The following PRDM16 variants were observed in gnomAD, a reference collection of about 807,000 sequenced individuals.
PRDM16 encodes histone-lysine N-methyltransferase PRDM16.
Under a neutral mutation model 110.6 loss-of-function variants are expected in PRDM16, and 23 were observed. That is an observed-to-expected ratio of 0.21 (90% CI 0.15 to 0.29). The LOEUF (loss-of-function observed/expected upper bound fraction) is 0.29, where lower values mean the gene tolerates loss of function less well. Among genes scored for constraint, PRDM16 ranks in the 10% least tolerant of loss-of-function variants. The probability of loss-of-function intolerance (pLI) is 1.00; values close to 1 mark genes in which losing one functional copy is unlikely to be tolerated. For missense variants in PRDM16, 1,615 were observed against 1,794.3 expected (o/e 0.90, Z 1.81); for synonymous variants, 799 against 781.8 (o/e 1.02, Z -0.37).
At chr1:3,076,129 A>T (rs1415520647) in intron 1 of PRDM16, among the ~76,000 whole-genome samples, 1 of 152,178 alleles carries the variant, frequency 6.6e-6, no homozygotes, top group Non-Finnish European at 1.5e-5. Context: ...TCCTCTCAGG[A>T]TAACAGGCTT....
At chr1:3,297,993 CGCAGGGGAAGGCTCT>C (rs1641126619) in intron 3 of PRDM16, among the ~76,000 whole-genome samples, 1 of 152,316 alleles carries the variant, frequency 6.6e-6, no homozygotes, top group East Asian at 1.9e-4. Flanking sequence ...TGGCAAGCTC[CGCAGGGGAAGGCTCT>C]GCAGGGAACA....
At chr1:3,413,268 T>C (rs1643725316) in intron 9 of PRDM16, among the ~76,000 whole-genome samples, 1 of 151,888 alleles carries the variant, frequency 6.6e-6, no homozygotes, top group Non-Finnish European at 1.5e-5. Flanking sequence ...CTCCTGCCCC[T>C]GGAGCCACAG....
Position 3,376,988 on chromosome 1 carries a change from C to T in PRDM16, c.439-8164C>T, listed in dbSNP as rs553331937. ...ACACCGGACCGAGGTGTTTCCAGAACGCCTTTCCCCCACCTCCTTCCATCA... is the reference window on the plus strand; with the variant it reads ...ACACCGGACCGAGGTGTTTCCAGAATGCCTTTCCCCCACCTCCTTCCATCA... On this transcript the variant is annotated intron_variant, in intron 3 of 16. Coordinates refer to ENST00000270722, the MANE Select transcript of PRDM16 (RefSeq NM_022114.4). Among the ~76,000 whole-genome samples the T allele has an allele frequency of 2.3e-4, 35 of 152,366 alleles. 1 individual carries two copies. Among genetic ancestry groups the T allele is most frequent in the African/African-American group, 4.1e-4 (17 of 41,588 alleles).
chr1:3,269,793 A>AGGAGGAGCATAATCATG (rs1213032232), intron 3 of PRDM16, among the ~76,000 whole-genome samples: 1 of 101,882 alleles, frequency 9.8e-6, no homozygotes, highest in African/African-American at 6.3e-5. Flanking sequence ...GGAAAGTCTC[A>AGGAGGAGCATAATCATG]GAGGAGGACA....
At chr1:3,196,169 C>T (rs148299191) in intron 2 of PRDM16, among the ~76,000 whole-genome samples, 104 of 152,344 alleles carry the variant, frequency 6.8e-4, no homozygotes, top group African/African-American at 1.8e-3. Flanking sequence ...CCAGCAGGGG[C>T]GGCAGCTGGG....
chr1:3,247,218 T>G (rs1361548372), intron 3 of PRDM16, among the ~76,000 whole-genome samples: 1 of 152,208 alleles, frequency 6.6e-6, no homozygotes, highest in Non-Finnish European at 1.5e-5. Context: ...CTGGGAGGAT[T>G]ACACTTCCTG....
At chr1:3,364,344 C>T (rs557585418) in intron 3 of PRDM16, among the ~76,000 whole-genome samples, 5 of 152,298 alleles carry the variant, frequency 3.3e-5, no homozygotes, top group Non-Finnish European at 5.9e-5. Context: ...GCCCCCAAGT[C>T]GTCCTGCCTG....
chr1:3,183,129 C>A (rs1644230176), intron 1 of PRDM16, among the ~76,000 whole-genome samples: 1 of 152,234 alleles, frequency 6.6e-6, no homozygotes, highest in Non-Finnish European at 1.5e-5. Flanking sequence ...GCACACTGAC[C>A]TGTGAGAGAG....
chr1:3,128,808 G>C (rs1643265737), intron 1 of PRDM16, among the ~76,000 whole-genome samples: 1 of 152,236 alleles, frequency 6.6e-6, no homozygotes, highest in Admixed American at 6.5e-5. Context: ...CTGAAGAGTG[G>C]ACAGCTATCC....
intron 1 of PRDM16, among the ~76,000 whole-genome samples, chr1:3,104,044 G>A (rs1009941036): frequency 1.3e-5 from 2 of 152,166 alleles, no homozygotes; most frequent in Admixed American, 6.5e-5. Flanking sequence ...TTCCTCCGCC[G>A]AAGTCACTGC....
chr1:3,125,227 C>T (rs759515163), intron 1 of PRDM16, among the ~76,000 whole-genome samples: 6 of 152,282 alleles, frequency 3.9e-5, no homozygotes, highest in Non-Finnish European at 8.8e-5. Flanking sequence ...TTCCCGCATC[C>T]GTGAATCACT....
At chr1:3,376,204 G>T (rs926688952) in intron 3 of PRDM16, among the ~76,000 whole-genome samples, 3 of 152,194 alleles carry the variant, frequency 2.0e-5, no homozygotes, top group African/African-American at 2.4e-5. Flanking sequence ...GGCATTTGGG[G>T]TGTCTCCGTG....
At chr1:3,276,338 C>T (rs969386322) in intron 3 of PRDM16, among the ~76,000 whole-genome samples, 9 of 152,348 alleles carry the variant, frequency 5.9e-5, no homozygotes, top group East Asian at 1.9e-4. Flanking sequence ...ACTCCAGCAG[C>T]GACCAGGCCT....
chr1:3,411,327 A>G (rs1643682434), intron 8 of PRDM16, 57 bp from the exon 9 acceptor site: 1 of 1,542,914 alleles, frequency 6.5e-7, no homozygotes, highest in African/African-American at 1.4e-5. Context: ...TGGCGTTTTC[A>G]GCAGGGTTTC....
intron 3 of PRDM16, among the ~76,000 whole-genome samples, chr1:3,368,027 G>A (rs1557636754): frequency 6.6e-6 from 1 of 152,202 alleles, no homozygotes. Flanking sequence ...AGGGTTTGGG[G>A]AACATTCTGT....
At position 3,175,964 on chromosome 1, in the gene PRDM16, C is replaced by T. The variant is rs1644080348; in HGVS notation, c.38-10161C>T. ...CCCTTACCCCATCCATCCATCCACTCACTCACCCATCCATCCATGCAGCCA... is the reference window on the plus strand; with the variant it reads ...CCCTTACCCCATCCATCCATCCACTTACTCACCCATCCATCCATGCAGCCA... On this transcript the variant is annotated intron_variant, in intron 1 of 16. Coordinates refer to ENST00000270722, the MANE Select transcript of PRDM16 (RefSeq NM_022114.4). The surrounding 1 kb of genome is among the most constrained non-coding windows in gnomAD (Gnocchi z 4.8). 6.6e-6 allele frequency among the ~76,000 whole-genome samples: 1 copy of T among 150,794 alleles called. No homozygotes were observed. The highest frequency in any genetic ancestry group is 1.5e-5 in the Non-Finnish European group (1 of 67,702).
chr1:3,243,936 A>G lies in PRDM16; in HGVS notation c.388-151A>G, dbSNP rs546072255. On this transcript the variant is annotated intron_variant, in intron 2 of 16. Transcript: ENST00000270722. This position sits in a 1 kb window ranked among gnomAD's most constrained non-coding sequence, Gnocchi z 5.5. ...CTGGAAGAAGGGATACCTGTGATCAATGGAACCCTTCATTTCCTGCTGTGG... is the reference window on the plus strand; with the variant it reads ...CTGGAAGAAGGGATACCTGTGATCAGTGGAACCCTTCATTTCCTGCTGTGG... 5 of 735,830 alleles carry G rather than the reference A, an allele frequency of 6.8e-6. No homozygotes were observed. Among genetic ancestry groups the G allele is most frequent in the East Asian group, 2.6e-5 (1 of 38,756 alleles). 45.6% of individuals were successfully genotyped at this position (735,830 alleles called of 1,614,324 possible).
intron 11 of PRDM16, 124 bp downstream of exon 11, chr1:3,418,121 A>G: frequency 1.3e-6 from 1 of 789,758 alleles, no homozygotes; most frequent in Non-Finnish European, 2.0e-6. Flanking sequence ...CAGCACTGCA[A>G]TCAGCTGGTT....
chr1:3,332,395 T>C (rs1360234596), intron 3 of PRDM16, among the ~76,000 whole-genome samples: 1 of 19,278 alleles, frequency 5.2e-5, no homozygotes, highest in South Asian at 1.6e-3. Context: ...GTGTGGGCAG[T>C]GGGGGGCTCG....
Sources: allele counts gnomAD v4.1 joint callset (sites outside exome capture counted in the v4.1 genomes callset), GRCh38; gene constraint gnomAD v4.1.1; non-coding constraint Gnocchi (gnomAD v3.1); transcripts MANE v1.5; gene names NCBI Gene and HGNC (gene_info 2026-07-23, HGNC 2026-07-21).